The following PTN variants were observed in gnomAD, a reference collection of about 807,000 sequenced individuals.
PTN encodes heparin affin regulatory protein.
PTN carries 18 observed loss-of-function variants against 24.1 expected under a neutral mutation model. That is an observed-to-expected ratio of 0.75 (90% CI 0.52 to 1.11). The LOEUF (loss-of-function observed/expected upper bound fraction) is 1.11. Among genes scored for constraint, PTN ranks in the 50% least tolerant of loss-of-function variants. The pLI, the probability that PTN is intolerant of heterozygous loss-of-function variation, is 0.00. For missense variants in PTN, 163 were observed against 198.8 expected, an observed-to-expected ratio of 0.82 and a Z score of 1.08; for synonymous variants, 78 against 68.6, an observed-to-expected ratio of 1.14 and a Z score of -0.67.
At chr7:137,238,996 T>C (rs1808572260) in intron 4 of PTN, among the ~76,000 whole-genome samples, 1 of 152,198 alleles carries the variant, frequency 6.6e-6, no homozygotes, top group South Asian at 2.1e-4. Flanking sequence ...TTAGTACTAA[T>C]TACTCTATAG....
At chr7:137,281,554 G>A (rs961906485) in intron 1 of PTN, among the ~76,000 whole-genome samples, 1 of 152,162 alleles carries the variant, frequency 6.6e-6, no homozygotes, top group Admixed American at 6.6e-5. Flanking sequence ...CAGCACTTTT[G>A]AATGAGAATT....
intron 1 of PTN, among the ~76,000 whole-genome samples, chr7:137,277,786 T>G (rs1809385839): frequency 6.6e-6 from 1 of 152,050 alleles, no homozygotes; most frequent in Admixed American, 6.6e-5. Context: ...CTGAAGCTGG[T>G]CTCAAACTCC....
In PTN at chr7:137,242,793, G is replaced by A. The variant is rs187658777; in HGVS notation, c.451+8437C>T. ...AGAAGCCTGCTCCATGGGCTGCACC[G>A]TCCCCTGACCCACACAGACAGGACT... On this transcript the variant is annotated intron_variant, in intron 4 of 4. Coordinates refer to ENST00000348225, the MANE Select transcript of PTN (RefSeq NM_002825.7). Among the ~76,000 whole-genome samples, 371 of 152,232 alleles carry A rather than the reference G, an allele frequency of 2.4e-3. 1 individual carries two copies. Among genetic ancestry groups the A allele is most frequent in the African/African-American group, 8.3e-3 (343 of 41,544 alleles).
At position 137,228,078 on chromosome 7, in the gene PTN, G is replaced by A; in HGVS notation, c.452-3C>T. ...CTTTTTCTTCTTCTTAGATTCTGCT[G>A]TGATTACAAAAAAGAGAGACAGAAA... On this transcript the variant is annotated splice_region_variant and splice_polypyrimidine_tract_variant and intron_variant, in intron 4 of 4. Coordinates refer to ENST00000348225, the MANE Select transcript of PTN (RefSeq NM_002825.7). 1 of 1,524,350 alleles carries A rather than the reference G, an allele frequency of 6.6e-7. No individual in the cohort carries two copies. The highest frequency in any genetic ancestry group is 1.7e-5 in the Admixed American group (1 of 58,894). 94.4% of individuals were successfully genotyped at this position (1,524,350 alleles called of 1,614,324 possible).
chr7:137,251,522 A>T, intron 3 of PTN, 131 bp from the exon 4 acceptor site: 1 of 1,017,656 alleles, frequency 9.8e-7, no homozygotes, highest in Non-Finnish European at 1.4e-6. Flanking sequence ...TATAAGAAAT[A>T]ATACAGAGTG....
intron 1 of PTN, among the ~76,000 whole-genome samples, chr7:137,329,830 T>C (rs564495145): frequency 6.6e-6 from 1 of 152,246 alleles, no homozygotes; most frequent in South Asian, 2.1e-4. Context: ...CAGGAAGTGG[T>C]AAAGTGAAAG....
At chr7:137,307,688 G>A (rs1271666530) in intron 1 of PTN, among the ~76,000 whole-genome samples, 3 of 151,930 alleles carry the variant, frequency 2.0e-5, no homozygotes, top group Non-Finnish European at 4.4e-5. Context: ...CCATTTTGTT[G>A]TTTTCCGTAT....
At chr7:137,319,362 T>C (rs322334) in intron 1 of PTN, among the ~76,000 whole-genome samples, 53,730 of 152,058 alleles carry the variant, frequency 0.35, 10,989 homozygotes, top group Admixed American at 0.54. Flanking sequence ...TTTACTTTCT[T>C]CCATTTGTTC....
intron 1 of PTN, among the ~76,000 whole-genome samples, chr7:137,320,705 AT>A (rs1356272772): frequency 6.6e-6 from 1 of 152,028 alleles, no homozygotes; most frequent in African/African-American, 2.4e-5. Context: ...AGGTTTGGGG[AT>A]TTTTTTCCAA....
intron 1 of PTN, among the ~76,000 whole-genome samples, chr7:137,264,089 G>A (rs1344822195): frequency 6.6e-6 from 1 of 152,114 alleles, no homozygotes; most frequent in Non-Finnish European, 1.5e-5. Context: ...AATGATCAGG[G>A]TGATTCTTTA....
intron 4 of PTN, among the ~76,000 whole-genome samples, chr7:137,231,704 G>A (rs1016605025): frequency 3.3e-5 from 5 of 151,914 alleles, no homozygotes; most frequent in African/African-American, 9.7e-5. Context: ...ATATAGAAAA[G>A]AGTATTTCTC....
intron 1 of PTN, among the ~76,000 whole-genome samples, chr7:137,282,871 T>G (rs868854013): frequency 7.2e-5 from 11 of 152,336 alleles, no homozygotes; most frequent in Middle Eastern, 3.4e-3. Flanking sequence ...GGTTTGTATG[T>G]GTGTGTATGG....
chr7:137,274,990 G>A (rs1809338887), intron 1 of PTN, among the ~76,000 whole-genome samples: 1 of 152,216 alleles, frequency 6.6e-6, no homozygotes, highest in Non-Finnish European at 1.5e-5. Context: ...GAAACACAGA[G>A]TTTTCATATG....
intron 1 of PTN, among the ~76,000 whole-genome samples, chr7:137,262,705 AG>A (rs1224221161): frequency 6.6e-6 from 1 of 152,174 alleles, no homozygotes; most frequent in Non-Finnish European, 1.5e-5. Flanking sequence ...TGAGCAAGCC[AG>A]GGGGTATGTG....
At chr7:137,239,305 C>G (rs1808577957) in intron 4 of PTN, among the ~76,000 whole-genome samples, 1 of 152,180 alleles carries the variant, frequency 6.6e-6, no homozygotes, top group Admixed American at 6.5e-5. Flanking sequence ...ATACATCATT[C>G]ATTCATTCAA....
At chr7:137,311,733 G>A (rs961368048) in intron 1 of PTN, among the ~76,000 whole-genome samples, 2 of 152,088 alleles carry the variant, frequency 1.3e-5, no homozygotes, top group Non-Finnish European at 2.9e-5. Context: ...TTTTAAGTTC[G>A]CCATCTTATA....
At chr7:137,331,906 T>C (rs1426945989) in intron 1 of PTN, among the ~76,000 whole-genome samples, 1 of 152,252 alleles carries the variant, frequency 6.6e-6, no homozygotes, top group African/African-American at 2.4e-5. Context: ...ACAGCACATC[T>C]GCAAGGACAA....
chr7:137,269,176 T>C (rs1465343916), intron 1 of PTN, among the ~76,000 whole-genome samples: 2 of 152,236 alleles, frequency 1.3e-5, no homozygotes, highest in Admixed American at 1.3e-4. Flanking sequence ...TGTTCTTTCA[T>C]ATAATGGTGG....
rs1808821730 is a variant in PTN, at chr7:137,251,262, G to A, written c.419C>T (p.Pro140Leu). 1 of 1,613,992 alleles carries A rather than the reference G, an allele frequency of 6.2e-7. No homozygotes were observed. The highest frequency in any genetic ancestry group is 8.5e-7 in the Non-Finnish European group (1 of 1,180,018). Reference protein sequence around the residue: ...ECQKTVTISKPCGKLTKPKPQ... With the variant: ...ECQKTVTISKLCGKLTKPKPQ... ...TTTGGGCTTGGTCAGTTTGCCACAG[G>A]GCTTGGAGATGGTGACAGTCTTCTG... Residue 140 changes from proline to leucine, a missense_variant, in exon 4 of 5, where the codon CCC becomes CTC. Physicochemically the swap from Pro to Leu is moderately conservative, Grantham distance 98. Transcript: ENST00000348225.
Sources: gnomAD v4.1 joint callset for allele counts (sites outside exome capture counted in the v4.1 genomes callset) on GRCh38, gnomAD v4.1.1 for gene constraint, MANE v1.5 for transcripts, NCBI Gene and HGNC (gene_info 2026-07-23, HGNC 2026-07-21) for gene names.